The following ERC1 variants were observed in gnomAD, a reference collection of about 807,000 sequenced individuals.
ERC1 encodes the protein RAB6 interacting protein 2.
A neutral mutation model predicts 132.0 loss-of-function variants in ERC1; 56 were observed. That is an observed-to-expected ratio of 0.42 (90% confidence interval 0.34 to 0.53). The LOEUF (loss-of-function observed/expected upper bound fraction) is 0.53, where lower values mean the gene tolerates loss of function less well. Ranked by LOEUF, ERC1 falls within the 20% of genes least tolerant of loss-of-function variation. The pLI, the probability that ERC1 is intolerant of heterozygous loss-of-function variation, is 0.03. For missense variants in ERC1, 1,202 were observed against 1,349.9 expected (o/e 0.89, Z 1.72); for synonymous variants, 478 against 476.1 (o/e 1.00, Z -0.05).
chr12:1,400,686 A>T (rs2090946137), intron 16 of ERC1, among the ~76,000 whole-genome samples: 1 of 152,070 alleles, frequency 6.6e-6, no homozygotes, highest in South Asian at 2.1e-4. Context: ...TGAAAAGAGT[A>T]TTCTTTCTCC....
At chr12:1,315,438 C>T (rs1273762558) in intron 15 of ERC1, among the ~76,000 whole-genome samples, 1 of 152,068 alleles carries the variant, frequency 6.6e-6, no homozygotes, top group Admixed American at 6.5e-5. Flanking sequence ...GCAACCTCCA[C>T]CTCCCAGGTT....
intron 18 of ERC1, among the ~76,000 whole-genome samples, chr12:1,487,204 G>T (rs2094233813): frequency 6.6e-6 from 1 of 152,102 alleles, no homozygotes; most frequent in Non-Finnish European, 1.5e-5. Flanking sequence ...TCTAAATCGG[G>T]CCCCTCAGTG....
chr12:1,035,178 C>T (rs1203962502), intron 2 of ERC1, among the ~76,000 whole-genome samples: 1 of 152,196 alleles, frequency 6.6e-6, no homozygotes, highest in Non-Finnish European at 1.5e-5. Flanking sequence ...TCATTATACC[C>T]TCCATAGCCC....
At chr12:1,003,688 A>G (rs1002637644) in intron 1 of ERC1, among the ~76,000 whole-genome samples, 2 of 152,204 alleles carry the variant, frequency 1.3e-5, no homozygotes, top group Non-Finnish European at 2.9e-5. Flanking sequence ...ACACTTACAC[A>G]AGACAAGGCA....
intron 8 of ERC1, among the ~76,000 whole-genome samples, chr12:1,144,583 G>T (rs1033299777): frequency 7.1e-6 from 1 of 140,010 alleles, no homozygotes; most frequent in African/African-American, 3.2e-5. Context: ...CCATTATTTC[G>T]TTCCTTTTTA....
chr12:1,440,496 G>T (rs149340039), intron 17 of ERC1, among the ~76,000 whole-genome samples: 1 of 140,274 alleles, frequency 7.1e-6, no homozygotes, highest in Non-Finnish European at 1.5e-5. Context: ...GTGAGCCACC[G>T]CGCCCGGCCT....
chr12:1,007,785 TACAG>T (rs932445728), intron 1 of ERC1, among the ~76,000 whole-genome samples: 18 of 145,570 alleles, frequency 1.2e-4, no homozygotes, highest in African/African-American at 4.1e-4. Flanking sequence ...AATATAGAAT[TACAG>T]ACTCTTAAAT....
intron 15 of ERC1, among the ~76,000 whole-genome samples, chr12:1,332,169 G>T (rs2082914189): frequency 6.6e-6 from 1 of 151,930 alleles, no homozygotes; most frequent in African/African-American, 2.4e-5. Flanking sequence ...TTGGTTGGGG[G>T]AACAAAATAT....
chr12:992,446 G>T (rs1298059735), intron 1 of ERC1, among the ~76,000 whole-genome samples: 1 of 152,190 alleles, frequency 6.6e-6, no homozygotes, highest in Non-Finnish European at 1.5e-5. Flanking sequence ...TAGACATTTT[G>T]TGTTCAGTGC....
At chr12:1,388,285 G>A (rs1443292668) in intron 16 of ERC1, among the ~76,000 whole-genome samples, 2 of 148,368 alleles carry the variant, frequency 1.3e-5, no homozygotes, top group East Asian at 4.0e-4. Flanking sequence ...GGGAGGCGGA[G>A]CTTGCAGTGA....
intron 15 of ERC1, among the ~76,000 whole-genome samples, chr12:1,310,955 G>A (rs2081261894): frequency 6.6e-6 from 1 of 152,260 alleles, no homozygotes; most frequent in Admixed American, 6.5e-5. Flanking sequence ...AGAGGGGAGA[G>A]CAGAAGGGGC....
At chr12:1,328,571 TCTC>T (rs34878048) in intron 15 of ERC1, among the ~76,000 whole-genome samples, 29,401 of 151,782 alleles carry the variant, frequency 0.19, 5,158 homozygotes, top group African/African-American at 0.47. Flanking sequence ...TAATCTGACT[TCTC>T]CTGTTGTACG....
intron 1 of ERC1, among the ~76,000 whole-genome samples, chr12:997,909 T>C (rs1419865469): frequency 6.6e-6 from 1 of 152,204 alleles, no homozygotes; most frequent in Non-Finnish European, 1.5e-5. Context: ...CCCAAGGAAG[T>C]TGAAGACTTT....
intron 8 of ERC1, among the ~76,000 whole-genome samples, chr12:1,169,024 G>GA (rs1224255479): frequency 9.2e-5 from 14 of 152,146 alleles, no homozygotes; most frequent in African/African-American, 2.9e-4. Context: ...AAAATAATCA[G>GA]AAACACTCAC....
At chr12:1,054,456 T>G (rs1442449607) in intron 2 of ERC1, among the ~76,000 whole-genome samples, 1 of 151,974 alleles carries the variant, frequency 6.6e-6, no homozygotes, top group East Asian at 1.9e-4. Context: ...TTTAAAAAAT[T>G]TACCTAGTTT....
chr12:1,254,802 A>G (rs1471132044), intron 13 of ERC1, among the ~76,000 whole-genome samples: 1 of 152,166 alleles, frequency 6.6e-6, no homozygotes, highest in Non-Finnish European at 1.5e-5. Context: ...CTTAATTTTT[A>G]ATTGACAAAT....
chr12:1,493,651 C>T lies in ERC1; in HGVS notation c.*3421C>T. ...TCCTTGCACTTTACAATCTAAAGAT[C>T]TACCTGTGGCTCTCAGACTTCCTCA... is the stretch of plus-strand genomic sequence containing the variant. On this transcript the variant is annotated 3_prime_UTR_variant, in exon 19 of 19. Transcript: ENST00000360905. 5.8e-6 allele frequency: 1 copy of T among 172,742 alleles called. No homozygotes were observed. Among genetic ancestry groups the T allele is most frequent in the Non-Finnish European group, 1.2e-5 (1 of 83,552 alleles). The allele number at this position is 172,742 out of a possible 1,614,324, so 10.7% of individuals were successfully genotyped here. A position where few individuals can be genotyped will look rare whatever the true frequency, so the allele number is the denominator to read the frequency against.
At chr12:1,332,166 G>A (rs1370741755) in intron 15 of ERC1, among the ~76,000 whole-genome samples, 1 of 151,768 alleles carries the variant, frequency 6.6e-6, no homozygotes, top group Non-Finnish European at 1.5e-5. Context: ...TTCTTGGTTG[G>A]GGGAACAAAA....
chr12:1,287,653 AC>A, intron 14 of ERC1, among the ~76,000 whole-genome samples: 1 of 152,246 alleles, frequency 6.6e-6, no homozygotes, highest in South Asian at 2.1e-4. Flanking sequence ...TCAGACTGAA[AC>A]CCTGGCTCTT....
Sources: gnomAD v4.1 joint callset for allele counts (sites outside exome capture counted in the v4.1 genomes callset) on GRCh38, gnomAD v4.1.1 for gene constraint, MANE v1.5 for transcripts, NCBI Gene and HGNC (gene_info 2026-07-23, HGNC 2026-07-21) for gene names.